Variants in DUSP16 observed in about 807,000 individuals in gnomAD.
DUSP16 encodes the protein dual specificity phosphatase 16.
A neutral mutation model predicts 58.3 loss-of-function variants in DUSP16; 21 were observed. The observed-to-expected ratio is 0.36, with a 90% CI of 0.26 to 0.52. The LOEUF is 0.52. DUSP16 is among the 20% of genes least tolerant of loss of function. The pLI is 0.94. For synonymous variants in DUSP16, 320 were observed against 323.8 expected, an observed-to-expected ratio of 0.99 and a Z score of 0.12; for missense variants, 726 against 819.0, an observed-to-expected ratio of 0.89 and a Z score of 1.39.
chr12:12,539,952 G>C (rs1183514083), intron 1 of DUSP16, among the ~76,000 whole-genome samples: 1 of 151,852 alleles, frequency 6.6e-6, no homozygotes, highest in African/African-American at 2.4e-5. Context: ...AGGCTGGGGA[G>C]GCTGAAGCAG....
rs1262287839 is a variant in DUSP16 at position 12,477,007 on chromosome 12, G to A, written c.1824C>T (p.Asp608=). Residue 608 remains aspartate, a synonymous_variant, in exon 7 of 7, where the codon GAC becomes GAT. Transcript: ENST00000298573. This position sits in a 1 kb window ranked among gnomAD's most constrained non-coding sequence, Gnocchi z 4.1. ...TCTCTTCATGCCAGCTCCGCCGCGA[G>A]TCAGCTCTGTCACTTGGCTTCTGCC... is the stretch of plus-strand genomic sequence containing the variant. The part of the protein sequence containing the change: ...RRRQKPSDRA[D]SRRSWHEESP... 1 of 1,614,248 alleles carries A rather than the reference G, an allele frequency of 6.2e-7. No individual in the cohort carries two copies. The highest frequency in any genetic ancestry group is 8.5e-7 in the Non-Finnish European group (1 of 1,180,052).
intron 1 of DUSP16, among the ~76,000 whole-genome samples, chr12:12,541,999 A>G (rs1044989502): frequency 3.3e-5 from 5 of 152,242 alleles, no homozygotes; most frequent in Admixed American, 2.0e-4. Context: ...ACCAGCTACA[A>G]TATGGGAGAA....
chr12:12,549,742 T>A (rs995077268), intron 1 of DUSP16, among the ~76,000 whole-genome samples: 6 of 151,276 alleles, frequency 4.0e-5, no homozygotes, highest in Non-Finnish European at 7.4e-5. Context: ...TGAACAGATA[T>A]GTGTGTATAT....
chr12:12,494,652 A>T (rs1943804812), intron 4 of DUSP16, among the ~76,000 whole-genome samples: 1 of 152,194 alleles, frequency 6.6e-6, no homozygotes. Flanking sequence ...TAGAAAATGA[A>T]TGAAGACCAA....
intron 5 of DUSP16, among the ~76,000 whole-genome samples, chr12:12,484,998 G>A (rs1162166346): frequency 6.6e-6 from 1 of 150,530 alleles, no homozygotes; most frequent in Non-Finnish European, 1.5e-5. Context: ...AACTTGTGGG[G>A]GTTTGTTTGT....
intron 1 of DUSP16, among the ~76,000 whole-genome samples, chr12:12,546,187 GATA>G (rs1158579501): frequency 6.6e-6 from 1 of 152,114 alleles, no homozygotes; most frequent in Non-Finnish European, 1.5e-5. Context: ...GCACCCTCTG[GATA>G]ATGATTATGT....
chr12:12,499,359 A>G (rs1943877274), intron 4 of DUSP16, among the ~76,000 whole-genome samples: 1 of 152,170 alleles, frequency 6.6e-6, no homozygotes, highest in Non-Finnish European at 1.5e-5. Context: ...AGGCATTGTG[A>G]CCCCACCAGA....
intron 6 of DUSP16, among the ~76,000 whole-genome samples, chr12:12,478,814 T>C (rs974895267): frequency 1.3e-5 from 2 of 152,234 alleles, no homozygotes; most frequent in African/African-American, 4.8e-5. Context: ...AAAAAGAAGA[T>C]GGTATCAGAT....
Position 12,545,512 on chromosome 12 carries a change from C to T in DUSP16, c.-366+16605G>A, listed in dbSNP as rs377122301. Reference sequence around the variant, plus strand: ...TACCAGGCTAGTCTCAAACTCCTGACCTCAGGTGATCCGCCCGCCTCAGCC... The same window carrying T: ...TACCAGGCTAGTCTCAAACTCCTGATCTCAGGTGATCCGCCCGCCTCAGCC... On this transcript the variant is annotated intron_variant, in intron 1 of 6. Transcript: ENST00000298573. Among the ~76,000 whole-genome samples, 4 of 151,264 alleles carry T rather than the reference C, an allele frequency of 2.6e-5. No homozygotes were observed. The East Asian group carries it at 7.8e-4, about 29-fold the overall frequency.
At chr12:12,518,237 G>A (rs1216568116) in intron 3 of DUSP16, among the ~76,000 whole-genome samples, 1 of 152,274 alleles carries the variant, frequency 6.6e-6, no homozygotes, top group African/African-American at 2.4e-5. Context: ...GACTCTGGCT[G>A]GGTGTGGTGG....
In DUSP16 at chr12:12,474,763, GCTTTC is replaced by G. The variant is rs1375334046; in HGVS notation, c.*2065_*2069del. 1 of 152,230 alleles carries G rather than the reference GCTTTC, an allele frequency of 6.6e-6. No homozygotes were observed. The allele number at this position is 152,230 out of a possible 1,614,324, so 9.4% of individuals were successfully genotyped here. ...GAAACATCGTTAGCAAGGAGCTACT[GCTTTC>G]CTTTCTTAAACATGTTTTGGGCATG... On this transcript the variant is annotated 3_prime_UTR_variant, in exon 7 of 7. Coordinates refer to ENST00000298573, the MANE Select transcript of DUSP16 (RefSeq NM_030640.3).
At chr12:12,547,166 T>C (rs1336371258) in intron 1 of DUSP16, among the ~76,000 whole-genome samples, 2 of 152,170 alleles carry the variant, frequency 1.3e-5, no homozygotes. Flanking sequence ...CAGTGGCTCA[T>C]GCCTGTAATC....
At position 12,473,331 on chromosome 12, in the gene DUSP16, A is replaced by G. The variant is rs942046536; in HGVS notation, c.*3502T>C. ...TTGTCACATCCAAACCAGTCCTCCA[A>G]CAATAGCCTGCTGAGGCTGGTCATG... is the stretch of plus-strand genomic sequence containing the variant. On this transcript the variant is annotated 3_prime_UTR_variant, in exon 7 of 7. Transcript: ENST00000298573. Among the ~76,000 whole-genome samples, 1 of 152,014 alleles carries G rather than the reference A, an allele frequency of 6.6e-6. No individual in the cohort carries two copies. Among genetic ancestry groups the G allele is most frequent in the African/African-American group, 2.4e-5 (1 of 41,374 alleles).
chr12:12,495,747 C>T (rs1943819277), intron 4 of DUSP16, among the ~76,000 whole-genome samples: 1 of 152,220 alleles, frequency 6.6e-6, no homozygotes, highest in Admixed American at 6.5e-5. Flanking sequence ...ATTTTTCTTT[C>T]TGAAGTCAAT....
intron 4 of DUSP16, among the ~76,000 whole-genome samples, chr12:12,496,231 A>G (rs1275209677): frequency 6.6e-6 from 1 of 152,246 alleles, no homozygotes; most frequent in Non-Finnish European, 1.5e-5. Flanking sequence ...GAGTGACATC[A>G]TAGACATTGA....
chr12:12,515,830 C>T (rs1406824160), intron 3 of DUSP16, among the ~76,000 whole-genome samples: 2 of 151,980 alleles, frequency 1.3e-5, no homozygotes, highest in South Asian at 2.1e-4. Context: ...CACCAGGGTG[C>T]AGTGATGCGA....
chr12:12,498,823 C>T (rs953976971), intron 4 of DUSP16, among the ~76,000 whole-genome samples: 1 of 152,158 alleles, frequency 6.6e-6, no homozygotes, highest in Non-Finnish European at 1.5e-5. Context: ...AGGGGTGCTT[C>T]CTGACAAGCC....
chr12:12,532,476 T>C (rs1566033842), intron 1 of DUSP16, among the ~76,000 whole-genome samples: 2 of 152,186 alleles, frequency 1.3e-5, no homozygotes, highest in Admixed American at 6.5e-5. Flanking sequence ...GTATAAAACA[T>C]AGTAATAGTT....
intron 1 of DUSP16, among the ~76,000 whole-genome samples, chr12:12,541,677 T>A (rs1229358884): frequency 6.6e-6 from 1 of 152,208 alleles, no homozygotes; most frequent in African/African-American, 2.4e-5. Flanking sequence ...TTTCTCTGTC[T>A]ACATGTGTTC....
Sources: allele counts gnomAD v4.1 joint callset (sites outside exome capture counted in the v4.1 genomes callset), GRCh38; gene constraint gnomAD v4.1.1; non-coding constraint Gnocchi (gnomAD v3.1); transcripts MANE v1.5; gene names NCBI Gene and HGNC (gene_info 2026-07-23, HGNC 2026-07-21).